The following EHMT1 variants were observed in gnomAD, a reference collection of about 807,000 sequenced individuals.
EHMT1 encodes euchromatic histone lysine methyltransferase 1, also known as histone-lysine N-methyltransferase EHMT1.
Under a neutral mutation model 147.2 loss-of-function variants are expected in EHMT1, and 15 were observed. The ratio of observed to expected loss-of-function variants is 0.10; its 90% confidence interval spans 0.07 to 0.16. EHMT1 has a LOEUF of 0.16. EHMT1 is among the 10% of genes least tolerant of loss of function. The pLI, the probability that EHMT1 is intolerant of heterozygous loss-of-function variation, is 1.00. For synonymous variants in EHMT1, 795 were observed against 709.6 expected, an observed-to-expected ratio of 1.12 and a Z score of -1.91; for missense variants, 1,587 against 1,772.4, an observed-to-expected ratio of 0.90 and a Z score of 1.88.
At chr9:137,646,271 T>C (rs1844874676) in intron 1 of EHMT1, 1 of 925,776 alleles carries the variant, frequency 1.1e-6, no homozygotes, top group Admixed American at 6.2e-5. Context: ...ATTTTTACTT[T>C]TTAAATGTAG....
intron 1 of EHMT1, among the ~76,000 whole-genome samples, chr9:137,638,596 C>T (rs1352890481): frequency 6.6e-6 from 1 of 152,162 alleles, no homozygotes; most frequent in African/African-American, 2.4e-5. Context: ...GAATAAATTG[C>T]ATTCCCCTAA....
chr9:137,757,239 A>T (rs1314532345), intron 8 of EHMT1, among the ~76,000 whole-genome samples: 1 of 152,078 alleles, frequency 6.6e-6, no homozygotes, highest in Non-Finnish European at 1.5e-5. Context: ...TGCACCCCCC[A>T]CTGCCCTCGC....
chr9:137,710,980 G>T lies in EHMT1; in HGVS notation c.35G>T (p.Arg12Met), dbSNP rs777999570. Reference protein sequence around the residue: ...AAADAEAVPARGEPQQDCCVK... With the variant: ...AAADAEAVPAMGEPQQDCCVK... ...TCTCTCTAACAGGCAGTTCCGGCGA[G>T]GGGGGAGCCTCAGCAGGATTGCTGT... The change falls in exon 2 of 27, where the codon AGG becomes ATG. Residue 12 changes from arginine to methionine, a missense_variant. By Grantham distance (91) the Arg-to-Met change is moderately conservative. Around this residue, in one of 7 missense-constraint regions of EHMT1, gnomAD observed 810 missense variants for 673.0 expected, o/e 1.20. Coordinates refer to ENST00000460843, the MANE Select transcript of EHMT1 (RefSeq NM_024757.5). 6 of 1,597,504 alleles carry T rather than the reference G, an allele frequency of 3.8e-6. No individual in the cohort carries two copies. Among genetic ancestry groups the T allele is most frequent in the African/African-American group, 1.3e-5 (1 of 74,796 alleles).
chr9:137,782,243 G>A lies in EHMT1; in HGVS notation c.2276-48G>A. The stretch of plus-strand genomic sequence containing the variant: ...GCCATCGTGACAGTCCTGAGCTGGA[G>A]TCTGTGGCTACATCTGAAATCATTA... On this transcript the variant is annotated intron_variant, in intron 14 of 26. Coordinates refer to ENST00000460843, the MANE Select transcript of EHMT1 (RefSeq NM_024757.5). This position sits in a 1 kb window ranked among gnomAD's most constrained non-coding sequence, Gnocchi z 5.7. 1.3e-6 allele frequency: 2 copies of A among 1,531,972 alleles called. No individual in the cohort carries two copies. Among genetic ancestry groups the A allele is most frequent in the Non-Finnish European group, 1.8e-6 (2 of 1,117,100 alleles). 94.9% of individuals were successfully genotyped at this position (1,531,972 alleles called of 1,614,324 possible).
chr9:137,719,753 C>T (rs936844162), intron 3 of EHMT1, among the ~76,000 whole-genome samples: 17 of 152,184 alleles, frequency 1.1e-4, no homozygotes, highest in African/African-American at 3.6e-4. Flanking sequence ...ACGTGCATCA[C>T]GTGCAGGGTG....
At chr9:137,740,037 C>T (rs1024636109) in intron 4 of EHMT1, among the ~76,000 whole-genome samples, 3 of 152,156 alleles carry the variant, frequency 2.0e-5, no homozygotes, top group African/African-American at 7.2e-5. Context: ...GCTGTGTTTC[C>T]CGTGCACTTG....
intron 1 of EHMT1, among the ~76,000 whole-genome samples, chr9:137,643,505 C>T (rs148549571): frequency 1.4e-3 from 211 of 152,098 alleles, no homozygotes; most frequent in African/African-American, 4.8e-3. Flanking sequence ...CCTGCCATCA[C>T]GCCTGGCTAA....
At chr9:137,769,599 T>G (rs1041223627) in intron 10 of EHMT1, among the ~76,000 whole-genome samples, 1 of 152,008 alleles carries the variant, frequency 6.6e-6, no homozygotes, top group Non-Finnish European at 1.5e-5. Context: ...TTGGCTGAAC[T>G]TGCCTCTGTT....
intron 12 of EHMT1, among the ~76,000 whole-genome samples, chr9:137,777,667 T>C (rs941269223): frequency 6.6e-6 from 1 of 151,984 alleles, no homozygotes; most frequent in Non-Finnish European, 1.5e-5. Flanking sequence ...TTCATGAGAG[T>C]GTATTTGAAC....
At chr9:137,647,977 T>C (rs1478352818) in intron 1 of EHMT1, among the ~76,000 whole-genome samples, 1 of 152,206 alleles carries the variant, frequency 6.6e-6, no homozygotes, top group Non-Finnish European at 1.5e-5. Context: ...GACTGTATGC[T>C]GGGAAACCAC....
intron 17 of EHMT1, 37 bp downstream of exon 17, chr9:137,798,951 G>C (rs1040112625): frequency 2.0e-6 from 3 of 1,532,640 alleles, no homozygotes; most frequent in South Asian, 2.2e-5. Context: ...TACACTGTGT[G>C]GACTGGCTAC....
At chr9:137,713,212 T>G (rs1421411790) in intron 2 of EHMT1, among the ~76,000 whole-genome samples, 3 of 150,410 alleles carry the variant, frequency 2.0e-5, no homozygotes, top group African/African-American at 7.3e-5. Flanking sequence ...TCCTACCACC[T>G]CAGCCTCCCA....
At chr9:137,666,508 G>A (rs1393927630) in intron 1 of EHMT1, among the ~76,000 whole-genome samples, 1 of 152,148 alleles carries the variant, frequency 6.6e-6, no homozygotes. Context: ...AGGTGAGCAG[G>A]AACCAGGGAC....
chr9:137,631,357 A>T (rs746551244), intron 1 of EHMT1, among the ~76,000 whole-genome samples: 1 of 151,836 alleles, frequency 6.6e-6, no homozygotes, highest in Non-Finnish European at 1.5e-5. Context: ...GTGCCATTGG[A>T]CTCCAGCCTG....
At chr9:137,818,169 A>C in intron 25 of EHMT1, 31 bp downstream of exon 25, 1 of 1,610,412 alleles carries the variant, frequency 6.2e-7, no homozygotes, top group African/African-American at 1.3e-5. Flanking sequence ...GGGGCCACGC[A>C]GAACTTGTGA....
rs1032227298 is a variant in EHMT1, at chr9:137,776,947, C to T, written c.2018+103C>T. 1.9e-6 allele frequency: 2 copies of T among 1,079,940 alleles called. No homozygotes were observed. Among genetic ancestry groups the T allele is most frequent in the Non-Finnish European group, 2.7e-6 (2 of 731,108 alleles). The allele number at this position is 1,079,940 out of a possible 1,614,324, so 66.9% of individuals were successfully genotyped here. On this transcript the variant is annotated intron_variant, in intron 12 of 26. Transcript: ENST00000460843. The surrounding 1 kb of genome is among the most constrained non-coding windows in gnomAD (Gnocchi z 4.4). ...TTCCTGCTGTTTTTTCCAGAAGTCT[C>T]TGAGCTGATGCTGATGCTTATGGTG...
intron 4 of EHMT1, 70 bp from the exon 5 acceptor site, chr9:137,743,301 C>T: frequency 6.6e-7 from 1 of 1,518,726 alleles, no homozygotes; most frequent in Non-Finnish European, 8.8e-7. Flanking sequence ...TGTCTCTTAC[C>T]TTTGAAAAAC....
intron 1 of EHMT1, among the ~76,000 whole-genome samples, chr9:137,677,917 A>G (rs542736793): frequency 6.6e-6 from 1 of 151,154 alleles, no homozygotes; most frequent in Admixed American, 6.6e-5. Flanking sequence ...AAAGAAAAAA[A>G]AAAAAGCCGG....
intron 3 of EHMT1, among the ~76,000 whole-genome samples, chr9:137,719,473 G>A (rs564854874): frequency 6.6e-6 from 1 of 152,318 alleles, no homozygotes; most frequent in South Asian, 2.1e-4. Context: ...GCACCTCGTG[G>A]TGCGGACAAC....
Sources: allele counts gnomAD v4.1 joint callset (sites outside exome capture counted in the v4.1 genomes callset), GRCh38; gene constraint gnomAD v4.1.1; regional missense constraint gnomAD v4.1.1; non-coding constraint Gnocchi (gnomAD v3.1); transcripts MANE v1.5; gene names NCBI Gene and HGNC (gene_info 2026-07-23, HGNC 2026-07-21).